ATG10: variants seen among roughly 807,000 people sequenced by gnomAD.
ATG10 encodes ubiquitin-like-conjugating enzyme ATG10.
ATG10 carries 30 observed loss-of-function variants against 32.1 expected under a neutral mutation model. The ratio of observed to expected loss-of-function variants is 0.94; its 90% CI spans 0.70 to 1.27. ATG10 has a LOEUF of 1.27. ATG10 is among the 50% of genes most tolerant of loss of function. The probability of loss-of-function intolerance (pLI) is 0.00; values close to 1 mark genes in which losing one functional copy is unlikely to be tolerated. For missense variants in ATG10, 233 were observed against 262.3 expected (o/e 0.89, Z 0.77); for synonymous variants, 87 against 91.5 (o/e 0.95, Z 0.28).
At chr5:82,224,835 CTT>C (rs2149997650) in intron 5 of ATG10, among the ~76,000 whole-genome samples, 1 of 152,266 alleles carries the variant, frequency 6.6e-6, no homozygotes, top group African/African-American at 2.4e-5. Flanking sequence ...TGGTGTAAGA[CTT>C]TGAAGTAAGG....
chr5:82,203,439 A>G (rs975971777), intron 5 of ATG10, among the ~76,000 whole-genome samples: 8 of 152,146 alleles, frequency 5.3e-5, no homozygotes, highest in African/African-American at 1.9e-4. Flanking sequence ...CCAGTCTGCT[A>G]CTATCGTTAA....
intron 3 of ATG10, among the ~76,000 whole-genome samples, chr5:82,150,774 C>A (rs554454056): frequency 5.9e-4 from 90 of 152,324 alleles, no homozygotes; most frequent in Non-Finnish European, 1.1e-3. Context: ...GTCACTGCCC[C>A]ACAGACTGCA....
At chr5:81,993,338 T>TC (rs1256975559) in intron 2 of ATG10, among the ~76,000 whole-genome samples, 12 of 37,540 alleles carry the variant, frequency 3.2e-4, no homozygotes, top group African/African-American at 1.3e-3. Context: ...CTTCCTTCCT[T>TC]CTTTCTTTCT....
chr5:82,047,110 A>C (rs1317386062), intron 2 of ATG10, among the ~76,000 whole-genome samples: 1 of 152,140 alleles, frequency 6.6e-6, no homozygotes. Flanking sequence ...GCAGGAACAA[A>C]GAGAGAAAAA....
At chr5:82,130,701 T>C (rs1265826827) in intron 3 of ATG10, among the ~76,000 whole-genome samples, 2 of 152,152 alleles carry the variant, frequency 1.3e-5, no homozygotes, top group Non-Finnish European at 2.9e-5. Flanking sequence ...CCCAGTGAGA[T>C]GAGCCGGGCA....
intron 3 of ATG10, among the ~76,000 whole-genome samples, chr5:82,103,421 C>G (rs1765343021): frequency 6.6e-6 from 1 of 152,122 alleles, no homozygotes; most frequent in South Asian, 2.1e-4. Flanking sequence ...TTTAGCATCT[C>G]CTTGCTGTGC....
chr5:81,975,575 A>C (rs1461860133), intron 1 of ATG10, among the ~76,000 whole-genome samples: 1 of 152,004 alleles, frequency 6.6e-6, no homozygotes, highest in African/African-American at 2.4e-5. Context: ...CCAGCTACTC[A>C]AGAGGCTGAG....
chr5:82,136,189 C>G (rs1474642263), intron 3 of ATG10, among the ~76,000 whole-genome samples: 1 of 152,120 alleles, frequency 6.6e-6, no homozygotes, highest in African/African-American at 2.4e-5. Flanking sequence ...ATTTACCAGT[C>G]TGTGTCTTTT....
At chr5:82,216,020 T>C (rs956728297) in intron 5 of ATG10, among the ~76,000 whole-genome samples, 1 of 152,132 alleles carries the variant, frequency 6.6e-6, no homozygotes, top group Non-Finnish European at 1.5e-5. Flanking sequence ...AGGGAGTGTA[T>C]TGCAGCAGGC....
intron 3 of ATG10, among the ~76,000 whole-genome samples, chr5:82,074,415 A>C (rs1764214617): frequency 6.6e-6 from 1 of 152,150 alleles, no homozygotes; most frequent in East Asian, 1.9e-4. Context: ...AACTTCTGCA[A>C]TAGTTTATGA....
rs149515448 is a variant in ATG10 at position 82,180,130 on chromosome 5, T to C, written c.453+1543T>C. ...CCTGCAATAGTTCTCCGAGGGCCTA[T>C]GGGATGTGGTCTAAATGCTTTGCCT... On this transcript the variant is annotated intron_variant, in intron 5 of 7. Transcript: ENST00000282185. Among the ~76,000 whole-genome samples the C allele has an allele frequency of 5.2e-3, 795 of 152,286 alleles. 7 individuals are homozygous for C. Among genetic ancestry groups the C allele is most frequent in the African/African-American group, 0.015 (640 of 41,554 alleles).
At chr5:81,975,975 TAG>T (rs1355105103) in intron 1 of ATG10, among the ~76,000 whole-genome samples, 1 of 151,416 alleles carries the variant, frequency 6.6e-6, no homozygotes, top group African/African-American at 2.4e-5. Flanking sequence ...GTGAATGTTG[TAG>T]AGTTATTTAT....
rs182588341 is a variant in ATG10 at position 82,079,736 on chromosome 5, G to A, written c.216+21134G>A. Among the ~76,000 whole-genome samples the A allele has an allele frequency of 2.0e-5, 3 of 152,212 alleles. No individual in the cohort carries two copies. In the East Asian group the frequency reaches 5.8e-4, roughly 29 times the overall value. ...CTGCATAGTAATCCATGGTGTATATGTGCCACATTTTCTTAATCCAGTCTA... is the reference window on the plus strand; with the variant it reads ...CTGCATAGTAATCCATGGTGTATATATGCCACATTTTCTTAATCCAGTCTA... On this transcript the variant is annotated intron_variant, in intron 3 of 7. Coordinates refer to ENST00000282185, the MANE Select transcript of ATG10 (RefSeq NM_031482.5).
chr5:82,107,607 A>G (rs1461800794), intron 3 of ATG10, among the ~76,000 whole-genome samples: 1 of 152,128 alleles, frequency 6.6e-6, no homozygotes, highest in Non-Finnish European at 1.5e-5. Context: ...TTTACTGTAT[A>G]GTTTTAACTT....
chr5:82,118,421 C>G lies in ATG10; in HGVS notation c.217-45978C>G, dbSNP rs953914395. ...ATATATATATGTATGTATATATTCC[C>G]TAGCACCTGACCCAGTGTCTGGCTA... is the stretch of plus-strand genomic sequence containing the variant. On this transcript the variant is annotated intron_variant, in intron 3 of 7. Coordinates refer to ENST00000282185, the MANE Select transcript of ATG10 (RefSeq NM_031482.5). Among the ~76,000 whole-genome samples, 3 of 52,530 alleles carry G rather than the reference C, an allele frequency of 5.7e-5. No homozygotes were observed. In the East Asian group the frequency reaches 8.5e-4, roughly 15 times the overall value. 34.5% of individuals were successfully genotyped at this position (52,530 alleles called of 152,430 possible).
At chr5:82,166,614 C>T (rs79465422) in intron 4 of ATG10, among the ~76,000 whole-genome samples, 3 of 151,850 alleles carry the variant, frequency 2.0e-5, no homozygotes, top group Non-Finnish European at 4.4e-5. Flanking sequence ...CATTTATTCC[C>T]CCCCCAGTCT....
At position 82,022,149 on chromosome 5, in the gene ATG10, A is replaced by G. The variant is rs1459561012; in HGVS notation, c.108+34471A>G. 6.6e-5 allele frequency among the ~76,000 whole-genome samples: 10 copies of G among 150,822 alleles called. No homozygotes were observed. The East Asian group carries it at 2.0e-3, about 30-fold the overall frequency. ...GGTTGCAGTGAGCCGAGATTGCGCCACTGCACTCCAGCCTGGGTGACAGAG... is the reference window on the plus strand; with the variant it reads ...GGTTGCAGTGAGCCGAGATTGCGCCGCTGCACTCCAGCCTGGGTGACAGAG... On this transcript the variant is annotated intron_variant, in intron 2 of 7. Transcript: ENST00000282185.
intron 3 of ATG10, among the ~76,000 whole-genome samples, chr5:82,063,026 A>T (rs1266665104): frequency 6.6e-6 from 1 of 152,196 alleles, no homozygotes; most frequent in Non-Finnish European, 1.5e-5. Flanking sequence ...TCATTTTAAA[A>T]TACCTCAGAT....
At chr5:82,121,583 T>C (rs567951419) in intron 3 of ATG10, among the ~76,000 whole-genome samples, 1 of 152,320 alleles carries the variant, frequency 6.6e-6, no homozygotes, top group African/African-American at 2.4e-5. Context: ...TTCAGTATAA[T>C]GTTGTCTGTG....
Sources: gnomAD v4.1 joint callset for allele counts (sites outside exome capture counted in the v4.1 genomes callset) on GRCh38, gnomAD v4.1.1 for gene constraint, MANE v1.5 for transcripts, NCBI Gene and HGNC (gene_info 2026-07-23, HGNC 2026-07-21) for gene names.